Variants in RALGPS1 observed in about 807,000 individuals in gnomAD.
RALGPS1 encodes ras-specific guanine nucleotide-releasing factor RalGPS1.
RALGPS1 carries 19 observed loss-of-function variants against 78.8 expected under a neutral mutation model. The observed-to-expected ratio is 0.24, with a 90% CI of 0.17 to 0.35. The LOEUF (loss-of-function observed/expected upper bound fraction) is 0.35. RALGPS1 is among the 10% of genes least tolerant of loss of function. RALGPS1 has a pLI of 1.00. For missense variants in RALGPS1, 454 were observed against 688.3 expected (o/e 0.66, Z 3.81); for synonymous variants, 228 against 256.3 (o/e 0.89, Z 1.06).
chr9:127,126,899 G>A (rs898458667), intron 8 of RALGPS1, among the ~76,000 whole-genome samples: 5 of 152,088 alleles, frequency 3.3e-5, no homozygotes, highest in Non-Finnish European at 5.9e-5. Context: ...TTCTTCACAT[G>A]TCTATAATTT....
chr9:127,133,804 C>T (rs1229107501), intron 8 of RALGPS1, among the ~76,000 whole-genome samples: 1 of 152,010 alleles, frequency 6.6e-6, no homozygotes, highest in Non-Finnish European at 1.5e-5. Context: ...GGGCAAATCC[C>T]AGCTGACACC....
intron 1 of RALGPS1, among the ~76,000 whole-genome samples, chr9:126,957,973 C>CA (rs2038493735): frequency 1.3e-5 from 2 of 151,262 alleles, no homozygotes; most frequent in African/African-American, 4.8e-5. Flanking sequence ...TTCATTTCTA[C>CA]AAAAAATAGA....
intron 8 of RALGPS1, among the ~76,000 whole-genome samples, chr9:127,161,985 C>A (rs1442689777): frequency 6.6e-6 from 1 of 152,196 alleles, no homozygotes; most frequent in Non-Finnish European, 1.5e-5. Context: ...TAGTTTAGGA[C>A]CTGGCACACA....
chr9:127,082,775 A>G (rs1589368963), intron 8 of RALGPS1, among the ~76,000 whole-genome samples: 1 of 152,290 alleles, frequency 6.6e-6, no homozygotes, highest in South Asian at 2.1e-4. Context: ...TTAAAGAGCC[A>G]TGCATACTGC....
chr9:127,196,797 G>C (rs2061371570), intron 13 of RALGPS1, among the ~76,000 whole-genome samples, 166 bp downstream of exon 13: 1 of 152,220 alleles, frequency 6.6e-6, no homozygotes, highest in South Asian at 2.1e-4. Context: ...GAATCGCCCA[G>C]ACCCAGGGAA....
chr9:127,109,338 T>C (rs1312484743), intron 8 of RALGPS1, among the ~76,000 whole-genome samples: 2 of 152,254 alleles, frequency 1.3e-5, no homozygotes, highest in African/African-American at 2.4e-5. Flanking sequence ...CAACCCTGTA[T>C]TCCCAGGATA....
intron 13 of RALGPS1, among the ~76,000 whole-genome samples, chr9:127,197,766 G>T (rs1330999500): frequency 2.0e-5 from 3 of 152,180 alleles, no homozygotes. Context: ...TCCAGGTCAT[G>T]CATGGGGAAA....
intron 1 of RALGPS1, among the ~76,000 whole-genome samples, chr9:126,933,644 C>T (rs2036000892): frequency 6.6e-6 from 1 of 152,112 alleles, no homozygotes; most frequent in Non-Finnish European, 1.5e-5. Context: ...CAGAAGTCAC[C>T]TTCTCTCAGT....
At chr9:126,964,013 G>A (rs73589103) in intron 2 of RALGPS1, among the ~76,000 whole-genome samples, 2,838 of 152,206 alleles carry the variant, frequency 0.019, 97 homozygotes, top group African/African-American at 0.065. Context: ...AGTTCACTCT[G>A]CGTAGGTTCT....
At chr9:127,003,957 T>C (rs990620803) in intron 4 of RALGPS1, among the ~76,000 whole-genome samples, 1 of 152,236 alleles carries the variant, frequency 6.6e-6, no homozygotes, top group Admixed American at 6.5e-5. Context: ...AGCACATTTA[T>C]CCTCTTTCTG....
chr9:127,011,176 C>G (rs957957731), intron 4 of RALGPS1, among the ~76,000 whole-genome samples: 4 of 151,976 alleles, frequency 2.6e-5, no homozygotes, highest in Admixed American at 6.6e-5. Flanking sequence ...CACCACCCCC[C>G]AGCCCGCCTT....
At chr9:127,015,067 G>A (rs772669764) in intron 4 of RALGPS1, among the ~76,000 whole-genome samples, 4 of 152,144 alleles carry the variant, frequency 2.6e-5, no homozygotes, top group Non-Finnish European at 5.9e-5. Context: ...GTAACTTATA[G>A]TTCTCTTCCT....
chr9:126,953,887 C>A (rs1205678267), intron 1 of RALGPS1, among the ~76,000 whole-genome samples: 1 of 152,176 alleles, frequency 6.6e-6, no homozygotes, highest in Non-Finnish European at 1.5e-5. Context: ...GCTGCTGTGT[C>A]CCCAGAGCCC....
At chr9:126,949,722 C>T (rs1270600210) in intron 1 of RALGPS1, among the ~76,000 whole-genome samples, 1 of 152,056 alleles carries the variant, frequency 6.6e-6, no homozygotes, top group Non-Finnish European at 1.5e-5. Context: ...AGCCCTTTGT[C>T]AGATGAGTAG....
At chr9:126,947,504 C>A (rs2037391102) in intron 1 of RALGPS1, among the ~76,000 whole-genome samples, 1 of 152,112 alleles carries the variant, frequency 6.6e-6, no homozygotes, top group Admixed American at 6.6e-5. Context: ...AAATCTGAAA[C>A]ACTTCTGGTC....
chr9:126,954,653 A>C (rs867146624), intron 1 of RALGPS1, among the ~76,000 whole-genome samples: 2 of 152,078 alleles, frequency 1.3e-5, no homozygotes, highest in South Asian at 2.1e-4. Flanking sequence ...CGGGCATGGT[A>C]GTGGGCACCT....
chr9:127,150,728 A>C (rs1271259051), intron 8 of RALGPS1, among the ~76,000 whole-genome samples: 1 of 152,210 alleles, frequency 6.6e-6, no homozygotes, highest in Non-Finnish European at 1.5e-5. Flanking sequence ...GCCCCAAAGA[A>C]AGGCGTTCAT....
intron 8 of RALGPS1, among the ~76,000 whole-genome samples, chr9:127,148,408 C>T (rs901482568): frequency 5.9e-5 from 9 of 152,250 alleles, no homozygotes. Context: ...TCTGTTTTTT[C>T]TCACTGTTGT....
intron 1 of RALGPS1, among the ~76,000 whole-genome samples, chr9:126,932,166 C>T (rs1243650753): frequency 6.6e-6 from 1 of 152,148 alleles, no homozygotes; most frequent in Non-Finnish European, 1.5e-5. Context: ...TCCCTGTCCT[C>T]ATCTTGAAAA....
Sources: allele counts gnomAD v4.1 joint callset (sites outside exome capture counted in the v4.1 genomes callset), GRCh38; gene constraint gnomAD v4.1.1; transcripts MANE v1.5; gene names NCBI Gene and HGNC (gene_info 2026-07-23, HGNC 2026-07-21).